LRRC20: variants seen among roughly 807,000 people sequenced by gnomAD.
LRRC20 encodes the protein leucine-rich repeat-containing protein 20.
A neutral mutation model predicts 14.4 loss-of-function variants in LRRC20; 11 were observed. That is an observed-to-expected ratio of 0.77 (90% CI 0.48 to 1.27). The LOEUF (loss-of-function observed/expected upper bound fraction) is 1.27, where lower values mean the gene tolerates loss of function less well. LRRC20 is among the 50% of genes most tolerant of loss of function. The pLI, the probability that LRRC20 is intolerant of heterozygous loss-of-function variation, is 0.00. For synonymous variants in LRRC20, 121 were observed against 107.3 expected (o/e 1.13, Z -0.79); for missense variants, 219 against 251.2 (o/e 0.87, Z 0.87).
intron 4 of LRRC20, among the ~76,000 whole-genome samples, chr10:70,307,231 T>C (rs1841457595): frequency 6.6e-6 from 1 of 152,258 alleles, no homozygotes; most frequent in Non-Finnish European, 1.5e-5. Flanking sequence ...TTTTGACTGC[T>C]GCTTAGTATA....
intron 4 of LRRC20, among the ~76,000 whole-genome samples, chr10:70,311,518 G>A (rs866201974): frequency 3.9e-5 from 6 of 152,064 alleles, no homozygotes; most frequent in South Asian, 2.1e-4. Flanking sequence ...CACTGCACTC[G>A]GCCTCCAACA....
chr10:70,323,378 GC>G (rs768150652), intron 4 of LRRC20, among the ~76,000 whole-genome samples: 78 of 152,326 alleles, frequency 5.1e-4, no homozygotes, highest in Admixed American at 5.2e-4. Context: ...GGTGGTGAGG[GC>G]CCTGGCAGGC....
At chr10:70,340,412 A>G in intron 3 of LRRC20, 141 bp downstream of exon 3, 5 of 986,578 alleles carry the variant, frequency 5.1e-6, no homozygotes, top group African/African-American at 1.6e-5. Context: ...ACACAGGTCC[A>G]TTTTCAAAGT....
intron 1 of LRRC20, 50 bp from the exon 2 acceptor site, chr10:70,376,646 A>T: frequency 1.0e-6 from 1 of 958,314 alleles, no homozygotes; most frequent in Non-Finnish European, 1.6e-6. Flanking sequence ...CCAGGGGCCC[A>T]CCCAGGCATC....
intron 2 of LRRC20, among the ~76,000 whole-genome samples, chr10:70,364,089 C>T (rs372628022): frequency 2.4e-4 from 36 of 152,332 alleles, no homozygotes; most frequent in East Asian, 2.1e-3. Flanking sequence ...TGTGTGAGAA[C>T]GCAGTCCCTC....
At chr10:70,358,319 G>A (rs188605969) in intron 2 of LRRC20, among the ~76,000 whole-genome samples, 2 of 152,172 alleles carry the variant, frequency 1.3e-5, no homozygotes, top group Non-Finnish European at 2.9e-5. Context: ...GAGGGCGAGG[G>A]GGCAGCAGAT....
intron 1 of LRRC20, among the ~76,000 whole-genome samples, chr10:70,382,330 C>T (rs762715237): frequency 1.3e-5 from 2 of 152,226 alleles, no homozygotes; most frequent in Non-Finnish European, 2.9e-5. Flanking sequence ...AAGCAAGAGC[C>T]CGCGCATGCC....
At chr10:70,375,777 G>GCAC (rs56258990) in intron 2 of LRRC20, among the ~76,000 whole-genome samples, 147,388 of 152,068 alleles carry the variant, frequency 0.97, 71,576 homozygotes, top group Non-Finnish European at 1. Context: ...GCACACACAG[G>GCAC]ACACACAGGT....
intron 3 of LRRC20, among the ~76,000 whole-genome samples, chr10:70,327,121 G>A (rs1273449663): frequency 6.6e-6 from 1 of 152,228 alleles, no homozygotes; most frequent in Non-Finnish European, 1.5e-5. Context: ...TGGGGGTCAT[G>A]GCCGATGCGG....
chr10:70,319,653 G>C (rs77837084), intron 4 of LRRC20, among the ~76,000 whole-genome samples: 2 of 152,076 alleles, frequency 1.3e-5, no homozygotes, highest in Non-Finnish European at 2.9e-5. Flanking sequence ...GTTGAGACTC[G>C]CATCTCATTC....
chr10:70,301,121 G>T lies in LRRC20; in HGVS notation c.*233C>A. On this transcript the variant is annotated 3_prime_UTR_variant, in exon 5 of 5. Coordinates refer to ENST00000446961, the MANE Select transcript of LRRC20 (RefSeq NM_001278212.2). ...GAGATCTGCCTGAGTTTGCACAGCA[G>T]CTGTGAGTGCCGAGTCCAGGCTGCA... 7.4e-7 allele frequency: 1 copy of T among 1,348,382 alleles called. No homozygotes were observed. The highest frequency in any genetic ancestry group is 9.5e-7 in the Non-Finnish European group (1 of 1,052,710). The allele number at this position is 1,348,382 out of a possible 1,614,324, so 83.5% of individuals were successfully genotyped here.
intron 2 of LRRC20, among the ~76,000 whole-genome samples, chr10:70,372,960 A>G (rs1029913563): frequency 1.3e-5 from 2 of 151,072 alleles, no homozygotes; most frequent in Non-Finnish European, 3.0e-5. Flanking sequence ...AAAAAAATAG[A>G]AAAATAAGCC....
At chr10:70,302,131 G>A (rs934876218) in intron 4 of LRRC20, among the ~76,000 whole-genome samples, 5 of 152,120 alleles carry the variant, frequency 3.3e-5, no homozygotes, top group African/African-American at 1.2e-4. Flanking sequence ...GGCCAAGCTG[G>A]TGAAACCCCA....
chr10:70,312,591 A>G (rs1194717225), intron 4 of LRRC20, among the ~76,000 whole-genome samples: 3 of 152,200 alleles, frequency 2.0e-5, no homozygotes, highest in Admixed American at 6.5e-5. Flanking sequence ...TAGCCTGCAG[A>G]AAAAGCTGGG....
chr10:70,319,449 A>G lies in LRRC20; in HGVS notation c.400+4414T>C, dbSNP rs565113339. On this transcript the variant is annotated intron_variant, in intron 4 of 4. Coordinates refer to ENST00000446961, the MANE Select transcript of LRRC20 (RefSeq NM_001278212.2). ...GACTGCTCCAACCCATCATGTCCCT[A>G]TGTCATCACTCAGTCAGACTACATG... 9.2e-5 allele frequency among the ~76,000 whole-genome samples: 14 copies of G among 152,168 alleles called. No homozygotes were observed. The South Asian group carries it at 2.5e-3, about 27-fold the overall frequency.
At chr10:70,304,481 T>TATATATATATATATATATATATAC (rs1841335864) in intron 4 of LRRC20, among the ~76,000 whole-genome samples, 1 of 58,440 alleles carries the variant, frequency 1.7e-5, no homozygotes, top group African/African-American at 1.2e-4. Flanking sequence ...TATATATATA[T>TATATATATATATATATATATATAC]ATATATATAT....
intron 2 of LRRC20, among the ~76,000 whole-genome samples, chr10:70,368,893 G>A (rs1844144172): frequency 6.6e-6 from 1 of 152,170 alleles, no homozygotes; most frequent in South Asian, 2.1e-4. Flanking sequence ...AAAGTTCTAG[G>A]ATTACAGGTG....
In LRRC20 at chr10:70,320,126, G is replaced by A. The variant is rs576983320; in HGVS notation, c.400+3737C>T. On this transcript the variant is annotated intron_variant, in intron 4 of 4. Transcript: ENST00000446961. ...TGCGGGGCAGGTGAAGGGGAGGGAT[G>A]AGAGGAGGAAGGCTGTATAATGTGG... is the stretch of plus-strand genomic sequence containing the variant. Among the ~76,000 whole-genome samples the A allele has an allele frequency of 9.8e-5, 15 of 152,302 alleles. No individual in the cohort carries two copies. In the South Asian group the frequency reaches 3.1e-3, roughly 32 times the overall value.
intron 4 of LRRC20, among the ~76,000 whole-genome samples, chr10:70,320,401 C>G (rs149140349): frequency 6.6e-6 from 1 of 152,140 alleles, no homozygotes; most frequent in East Asian, 1.9e-4. Flanking sequence ...TAGTAATTAC[C>G]ATTTTATATG....
Sources: allele counts gnomAD v4.1 joint callset (sites outside exome capture counted in the v4.1 genomes callset), GRCh38; gene constraint gnomAD v4.1.1; transcripts MANE v1.5; gene names NCBI Gene and HGNC (gene_info 2026-07-23, HGNC 2026-07-21).